Variants in PODXL observed in about 807,000 individuals in gnomAD.
The protein encoded by PODXL is podocalyxin like.
In PODXL, 20 loss-of-function variants were observed where a neutral mutation model predicts 48.9. The observed-to-expected ratio is 0.41, with a 90% confidence interval of 0.29 to 0.59. The LOEUF (loss-of-function observed/expected upper bound fraction) is 0.59. Among genes scored for constraint, PODXL ranks in the 20% least tolerant of loss-of-function variants. The probability of loss-of-function intolerance (pLI) is 0.31; values close to 1 mark genes in which losing one functional copy is unlikely to be tolerated. For synonymous variants in PODXL, 295 were observed against 287.4 expected (o/e 1.03, Z -0.27); for missense variants, 606 against 675.1 (o/e 0.90, Z 1.13).
chr7:131,537,061 G>A (rs1438388452), intron 1 of PODXL, among the ~76,000 whole-genome samples: 2 of 152,208 alleles, frequency 1.3e-5, no homozygotes, highest in Non-Finnish European at 2.9e-5. Context: ...GGGAGGTGGA[G>A]GCTGCAGTGA....
chr7:131,504,057 G>A lies in PODXL; in HGVS notation c.*254C>T. 3.7e-6 allele frequency: 2 copies of A among 542,454 alleles called. No individual in the cohort carries two copies. The highest frequency in any genetic ancestry group is 6.6e-6 in the Non-Finnish European group (2 of 302,600). The allele number at this position is 542,454 out of a possible 1,614,324, so 33.6% of individuals were successfully genotyped here. A position where few individuals can be genotyped will look rare whatever the true frequency, so the allele number is the denominator to read the frequency against. On this transcript the variant is annotated 3_prime_UTR_variant, in exon 9 of 9. Transcript: ENST00000378555. ...GTTCATCTATAAAGTCCCTTACGTG[G>A]CTTTTTCTTGATCTCCCTCATCATC...
At chr7:131,533,783 A>G (rs1437642971) in intron 1 of PODXL, among the ~76,000 whole-genome samples, 2 of 152,182 alleles carry the variant, frequency 1.3e-5, no homozygotes, top group Non-Finnish European at 2.9e-5. Context: ...AGTACAGGAC[A>G]GAGGCTAAGA....
intron 1 of PODXL, among the ~76,000 whole-genome samples, chr7:131,543,876 C>T (rs1798522162): frequency 6.6e-6 from 1 of 152,180 alleles, no homozygotes; most frequent in African/African-American, 2.4e-5. Flanking sequence ...CAGCCCCCTC[C>T]AGCCATTCCC....
In PODXL at chr7:131,511,042, G is replaced by A. The variant is rs372819604; in HGVS notation, c.492C>T (p.His164=). 1.2e-6 allele frequency: 2 copies of A among 1,614,060 alleles called. No homozygotes were observed. Among genetic ancestry groups the A allele is most frequent in the African/African-American group, 2.7e-5 (2 of 74,928 alleles). ...TGGATGTGAGGTCTGTGGTCACACT[G>A]TGGCTGCTTTTCCCCCCAGAGTTTG... ...DTTNSGGKSS[H]SVTTDLTSTK... is the part of the protein sequence containing the mutation. Residue 164 remains histidine, a synonymous_variant, in exon 2 of 9, where the codon CAC becomes CAT. Coordinates refer to ENST00000378555, the MANE Select transcript of PODXL (RefSeq NM_001018111.3).
intron 1 of PODXL, 66 bp downstream of exon 1, chr7:131,556,194 G>C: frequency 7.3e-7 from 1 of 1,374,068 alleles, no homozygotes; most frequent in South Asian, 1.7e-5. Context: ...CTTCCCTGCA[G>C]CTCGGCCGGG....
chr7:131,508,312 G>T (rs1210880276), intron 5 of PODXL, among the ~76,000 whole-genome samples: 1 of 152,202 alleles, frequency 6.6e-6, no homozygotes, highest in African/African-American at 2.4e-5. Flanking sequence ...GTTAGAGGGA[G>T]AATCTCCCAG....
At chr7:131,518,586 G>GCCAT (rs199559686) in intron 1 of PODXL, among the ~76,000 whole-genome samples, 2,315 of 152,254 alleles carry the variant, frequency 0.015, 51 homozygotes, top group African/African-American at 0.053. Context: ...CTGGGTTCTA[G>GCCAT]CCATATTCCT....
intron 1 of PODXL, among the ~76,000 whole-genome samples, chr7:131,553,260 C>A (rs907523769): frequency 3.9e-5 from 6 of 152,140 alleles, no homozygotes; most frequent in African/African-American, 2.4e-5. Flanking sequence ...TTTTAAAATC[C>A]CTATGTGAAA....
intron 1 of PODXL, among the ~76,000 whole-genome samples, chr7:131,527,781 C>T (rs1584820907): frequency 6.6e-6 from 1 of 152,140 alleles, no homozygotes; most frequent in South Asian, 2.1e-4. Flanking sequence ...GGTATGAATG[C>T]TTTCTTTGTG....
chr7:131,505,142 A>G (rs913541255), intron 8 of PODXL, among the ~76,000 whole-genome samples: 7 of 152,196 alleles, frequency 4.6e-5, no homozygotes, highest in Admixed American at 3.3e-4. Context: ...AGTGAGAACC[A>G]CAGGGTCTGG....
chr7:131,514,160 G>A lies in PODXL; in HGVS notation c.101-2727C>T, dbSNP rs143851084. 7.5e-3 allele frequency among the ~76,000 whole-genome samples: 1,150 copies of A among 152,320 alleles called. 15 individuals are homozygous for A. Among genetic ancestry groups the A allele is most frequent in the African/African-American group, 0.026 (1,084 of 41,576 alleles). On this transcript the variant is annotated intron_variant, in intron 1 of 8. Transcript: ENST00000378555. Reference sequence around the variant, plus strand: ...AGGCTGGGTGCGGTGGCTCATGCCTGTAATCCCAGCACTTTGGGAGGCCAA... The same window carrying A: ...AGGCTGGGTGCGGTGGCTCATGCCTATAATCCCAGCACTTTGGGAGGCCAA...
At chr7:131,524,366 A>ACC (rs1554385073) in intron 1 of PODXL, among the ~76,000 whole-genome samples, 1 of 107,404 alleles carries the variant, frequency 9.3e-6, no homozygotes. Context: ...ACACACGCAC[A>ACC]CACACACACA....
intron 1 of PODXL, among the ~76,000 whole-genome samples, chr7:131,543,122 T>A (rs1303705942): frequency 6.6e-6 from 1 of 152,170 alleles, no homozygotes; most frequent in Non-Finnish European, 1.5e-5. Flanking sequence ...TTTAAACTTA[T>A]TATTTTCATA....
At position 131,511,069 on chromosome 7, in the gene PODXL, T is replaced by C. The variant is rs1158213675; in HGVS notation, c.465A>G (p.Thr155=). Residue 155 remains threonine (T), a synonymous_variant, in exon 2 of 9, where the codon ACA becomes ACG. Transcript: ENST00000378555. Reference sequence around the variant, plus strand: ...GGCTGCTTTTCCCCCCAGAGTTTGTTGTATCTTCTGCTCCATTCTGGCTGC... The same window carrying C: ...GGCTGCTTTTCCCCCCAGAGTTTGTCGTATCTTCTGCTCCATTCTGGCTGC... The part of the protein sequence containing the change: ...TTSSQNGAED[T]TNSGGKSSHS... 2 of 1,614,038 alleles carry C rather than the reference T, an allele frequency of 1.2e-6. No individual in the cohort carries two copies. Among genetic ancestry groups the C allele is most frequent in the Non-Finnish European group, 8.5e-7 (1 of 1,180,000 alleles).
At chr7:131,556,051 G>C (rs964919601) in intron 1 of PODXL, among the ~76,000 whole-genome samples, 2 of 152,250 alleles carry the variant, frequency 1.3e-5, no homozygotes, top group African/African-American at 4.8e-5. Context: ...GAGTGGAGAC[G>C]AATCTACGCC....
intron 1 of PODXL, among the ~76,000 whole-genome samples, chr7:131,540,925 A>G (rs1431621771): frequency 6.6e-6 from 1 of 152,164 alleles, no homozygotes; most frequent in Admixed American, 6.5e-5. Flanking sequence ...GGAGCCTGTG[A>G]ATTTCCCAGG....
At chr7:131,528,680 C>T (rs543694453) in intron 1 of PODXL, among the ~76,000 whole-genome samples, 17 of 152,288 alleles carry the variant, frequency 1.1e-4, no homozygotes, top group South Asian at 4.2e-4. Context: ...TTAATGCAAT[C>T]GGCCAGATTT....
intron 1 of PODXL, among the ~76,000 whole-genome samples, chr7:131,525,086 G>A (rs903858366): frequency 3.3e-5 from 5 of 152,238 alleles, no homozygotes; most frequent in Middle Eastern, 3.4e-3. Context: ...ACTGGGAGGA[G>A]CAGACTCCTC....
chr7:131,537,041 C>T lies in PODXL; in HGVS notation c.100+19219G>A, dbSNP rs557402250. Reference sequence around the variant, plus strand: ...TCAGGAGGCTGAGGCAGGAGGATCACCTGAGCCCAGGGAGGTGGAGGCTGC... The same window carrying T: ...TCAGGAGGCTGAGGCAGGAGGATCATCTGAGCCCAGGGAGGTGGAGGCTGC... On this transcript the variant is annotated intron_variant, in intron 1 of 8. Coordinates refer to ENST00000378555, the MANE Select transcript of PODXL (RefSeq NM_001018111.3). 5.9e-5 allele frequency among the ~76,000 whole-genome samples: 9 copies of T among 152,332 alleles called. No homozygotes were observed. In the East Asian group the frequency reaches 1.7e-3, roughly 29 times the overall value.
Sources: gnomAD v4.1 joint callset for allele counts (sites outside exome capture counted in the v4.1 genomes callset) on GRCh38, gnomAD v4.1.1 for gene constraint, MANE v1.5 for transcripts, NCBI Gene and HGNC (gene_info 2026-07-23, HGNC 2026-07-21) for gene names.